Variants in PDE5A observed in about 807,000 individuals in gnomAD.
PDE5A encodes cGMP-specific 3',5'-cyclic phosphodiesterase.
Under a neutral mutation model 110.2 loss-of-function variants are expected in PDE5A, and 67 were observed. The ratio of observed to expected loss-of-function variants is 0.61; its 90% CI spans 0.50 to 0.75. The LOEUF is 0.75. Among genes scored for constraint, PDE5A ranks in the 30% least tolerant of loss-of-function variants. The pLI is 0.00. For missense variants in PDE5A, 862 were observed against 1,045.1 expected (o/e 0.82, Z 2.42); for synonymous variants, 328 against 351.2 (o/e 0.93, Z 0.74).
At chr4:119,618,098 G>C (rs939019947) in intron 1 of PDE5A, among the ~76,000 whole-genome samples, 8 of 152,072 alleles carry the variant, frequency 5.3e-5, no homozygotes, top group Non-Finnish European at 1.0e-4. Context: ...AGATGAGACA[G>C]ACTTAGGCTT....
At position 119,524,822 on chromosome 4, in the gene PDE5A, T is replaced by C. The variant is rs543707606; in HGVS notation, c.1779+727A>G. On this transcript the variant is annotated intron_variant, in intron 12 of 20. Coordinates refer to ENST00000354960, the MANE Select transcript of PDE5A (RefSeq NM_001083.4). ...CTTTCTGCTGCTTCTTATTCTTTGA[T>C]GCTATATATTATAATACATAGCCAT... 6.6e-5 allele frequency among the ~76,000 whole-genome samples: 10 copies of C among 152,278 alleles called. No homozygotes were observed. The South Asian group carries it at 1.9e-3, about 28-fold the overall frequency.
chr4:119,618,194 A>C (rs1008953942), intron 1 of PDE5A, among the ~76,000 whole-genome samples: 3 of 152,190 alleles, frequency 2.0e-5, no homozygotes, highest in Non-Finnish European at 4.4e-5. Flanking sequence ...GATAAAAGTA[A>C]AGGAAATGAT....
At chr4:119,556,170 G>C (rs995917016) in intron 7 of PDE5A, among the ~76,000 whole-genome samples, 3 of 152,134 alleles carry the variant, frequency 2.0e-5, no homozygotes, top group African/African-American at 7.2e-5. Flanking sequence ...TGTTTGTCTG[G>C]ACATATATGG....
chr4:119,540,229 T>C (rs553229365), intron 10 of PDE5A, among the ~76,000 whole-genome samples: 2 of 152,046 alleles, frequency 1.3e-5, no homozygotes, highest in South Asian at 2.1e-4. Context: ...CTTTAAATGG[T>C]GAGTAAAGTA....
At chr4:119,543,504 C>G (rs1727022221) in intron 9 of PDE5A, among the ~76,000 whole-genome samples, 1 of 152,176 alleles carries the variant, frequency 6.6e-6, no homozygotes, top group South Asian at 2.1e-4. Flanking sequence ...CACATGATCT[C>G]CAGTCTTCTC....
chr4:119,539,496 T>C (rs1302289647), intron 10 of PDE5A, among the ~76,000 whole-genome samples: 1 of 152,076 alleles, frequency 6.6e-6, no homozygotes, highest in African/African-American at 2.4e-5. Context: ...GTAACCATTC[T>C]AGAATTCACA....
intron 19 of PDE5A, among the ~76,000 whole-genome samples, chr4:119,501,466 A>AT (rs1215801856): frequency 6.6e-6 from 1 of 152,016 alleles, no homozygotes; most frequent in Non-Finnish European, 1.5e-5. Flanking sequence ...CGCCTGGCTG[A>AT]TTTTTTATTT....
intron 7 of PDE5A, among the ~76,000 whole-genome samples, chr4:119,557,574 A>G (rs1727586150): frequency 6.6e-6 from 1 of 152,176 alleles, no homozygotes; most frequent in African/African-American, 2.4e-5. Flanking sequence ...ATGTAAACCA[A>G]AGACAAATAA....
At chr4:119,605,254 T>C (rs1729486699) in intron 2 of PDE5A, among the ~76,000 whole-genome samples, 2 of 152,196 alleles carry the variant, frequency 1.3e-5, no homozygotes, top group Admixed American at 1.3e-4. Context: ...CTATCTCTTC[T>C]AACTTCTCTT....
At chr4:119,605,065 C>T (rs868701357) in intron 2 of PDE5A, among the ~76,000 whole-genome samples, 9 of 152,198 alleles carry the variant, frequency 5.9e-5, no homozygotes, top group Middle Eastern at 3.4e-3. Context: ...TTAATCCTTC[C>T]AAAGCACAAT....
At chr4:119,608,580 CA>C (rs1729625162) in intron 1 of PDE5A, among the ~76,000 whole-genome samples, 1 of 151,864 alleles carries the variant, frequency 6.6e-6, no homozygotes, top group East Asian at 1.9e-4. Context: ...ACAAATAAAA[CA>C]AAAACAAAAA....
At chr4:119,545,115 A>G (rs988932218) in intron 9 of PDE5A, among the ~76,000 whole-genome samples, 1 of 152,206 alleles carries the variant, frequency 6.6e-6, no homozygotes, top group East Asian at 1.9e-4. Context: ...ATGAGCAGCC[A>G]TATTTAAATA....
intron 12 of PDE5A, among the ~76,000 whole-genome samples, chr4:119,524,614 G>T (rs1226500203): frequency 1.3e-5 from 2 of 152,082 alleles, no homozygotes; most frequent in East Asian, 3.9e-4. Context: ...TGAGAGCAGG[G>T]ACAACTCATC....
chr4:119,504,320 A>G (rs1725482826), intron 18 of PDE5A, among the ~76,000 whole-genome samples: 1 of 152,150 alleles, frequency 6.6e-6, no homozygotes. Context: ...CATGGTGCAT[A>G]TGTACCACAT....
Position 119,560,285 on chromosome 4 carries a change from C to G in PDE5A, c.1199+11G>C. 1 of 1,498,470 alleles carries G rather than the reference C, an allele frequency of 6.7e-7. No homozygotes were observed. The highest frequency in any genetic ancestry group is 9.2e-7 in the Non-Finnish European group (1 of 1,090,320). 92.8% of individuals were successfully genotyped at this position (1,498,470 alleles called of 1,614,324 possible). On this transcript the variant is annotated intron_variant, in intron 7 of 20. Transcript: ENST00000354960. ...ATGTGATAAAGACAAGTAGAGAATACGTGCTTTTACCTTGTTAATGTATCA... is the reference window on the plus strand; with the variant it reads ...ATGTGATAAAGACAAGTAGAGAATAGGTGCTTTTACCTTGTTAATGTATCA...
chr4:119,517,120 A>T (rs939085024), intron 14 of PDE5A: 5 of 152,190 alleles, frequency 3.3e-5, no homozygotes, highest in African/African-American at 1.2e-4. Flanking sequence ...TTTCAGGGTA[A>T]TTTTCTGAAA....
intron 9 of PDE5A, 23 bp from the exon 10 acceptor site, chr4:119,542,657 G>A (rs2110487130): frequency 6.2e-7 from 1 of 1,600,754 alleles, no homozygotes; most frequent in South Asian, 1.1e-5. Flanking sequence ...GAGAAATTGA[G>A]CAAATGTTAT....
intron 19 of PDE5A, 52 bp from the exon 20 acceptor site, chr4:119,501,305 T>TTA (rs1340105706): frequency 9.2e-7 from 1 of 1,091,170 alleles, no homozygotes. Flanking sequence ...ATTTATTTAG[T>TTA]TAGTTATTAC....
chr4:119,627,387 C>T lies in PDE5A; in HGVS notation c.152+1133G>A. Reference sequence around the variant, plus strand: ...GGGGAGCGACCGGCAGAGCCGCGGCCGCGCGCCGGCGAGTGGGACCCGGGC... The same window carrying T: ...GGGGAGCGACCGGCAGAGCCGCGGCTGCGCGCCGGCGAGTGGGACCCGGGC... On this transcript the variant is annotated intron_variant, in intron 1 of 20. Transcript: ENST00000354960. This position sits in a 1 kb window ranked among gnomAD's most constrained non-coding sequence, Gnocchi z 4.6. 1.2e-6 allele frequency: 1 copy of T among 836,636 alleles called. No individual in the cohort carries two copies. The allele number at this position is 836,636 out of a possible 1,614,324, so 51.8% of individuals were successfully genotyped here.
Sources: gnomAD v4.1 joint callset for allele counts (sites outside exome capture counted in the v4.1 genomes callset) on GRCh38, gnomAD v4.1.1 for gene constraint, Gnocchi (gnomAD v3.1) non-coding constraint, MANE v1.5 for transcripts, NCBI Gene and HGNC (gene_info 2026-07-23, HGNC 2026-07-21) for gene names.